The following SORCS1 variants were observed in gnomAD, a reference collection of about 807,000 sequenced individuals.
SORCS1 encodes the protein sortilin related VPS10 domain containing receptor 1.
In SORCS1, 60 loss-of-function variants were observed where a neutral mutation model predicts 146.1. The observed-to-expected ratio is 0.41, with a 90% CI of 0.33 to 0.51. The LOEUF (loss-of-function observed/expected upper bound fraction) is 0.51. SORCS1 is among the 20% of genes least tolerant of loss of function. SORCS1 has a pLI of 0.21. For missense variants in SORCS1, 1,352 were observed against 1,487.6 expected, an observed-to-expected ratio of 0.91 and a Z score of 1.50; for synonymous variants, 637 against 584.0, an observed-to-expected ratio of 1.09 and a Z score of -1.31.
intron 24 of SORCS1, among the ~76,000 whole-genome samples, chr10:106,580,621 C>T (rs1844847415): frequency 6.6e-6 from 1 of 152,164 alleles, no homozygotes; most frequent in Admixed American, 6.5e-5. Flanking sequence ...GACCTTTAAT[C>T]ACCATTTTCT....
At chr10:106,740,615 G>C (rs1305094030) in intron 5 of SORCS1, among the ~76,000 whole-genome samples, 3 of 152,074 alleles carry the variant, frequency 2.0e-5, no homozygotes, top group Non-Finnish European at 2.9e-5. Flanking sequence ...AAGGCATTTA[G>C]CTCCATCAGA....
intron 23 of SORCS1, among the ~76,000 whole-genome samples, chr10:106,603,384 T>C (rs755914656): frequency 9.9e-5 from 15 of 152,170 alleles, no homozygotes; most frequent in Non-Finnish European, 2.2e-4. Context: ...CAGAGGTCAC[T>C]CGATTAACCC....
Position 106,989,680 on chromosome 10 carries a change from G to GTTTTTTTTTTTTTT in SORCS1, c.559-33114_559-33101dup, listed in dbSNP as rs761689988. Among the ~76,000 whole-genome samples the GTTTTTTTTTTTTTT allele has an allele frequency of 6.8e-4, 48 of 70,354 alleles. 1 individual carries two copies. The highest frequency in any genetic ancestry group is 2.3e-3 in the African/African-American group (43 of 18,668). The allele number at this position is 70,354 out of a possible 152,430, so 46.2% of individuals were successfully genotyped here. ...ACTCATATTTTTTCTGTTTTTTTTT[G>GTTTTTTTTTTTTTT]TTTTTTTTTTTTTTTTTTTTTTCTG... is the stretch of plus-strand genomic sequence containing the variant. On this transcript the variant is annotated intron_variant, in intron 1 of 25. Transcript: ENST00000263054.
chr10:106,651,502 A>G (rs1266586192), intron 18 of SORCS1, among the ~76,000 whole-genome samples: 1 of 152,198 alleles, frequency 6.6e-6, no homozygotes, highest in Non-Finnish European at 1.5e-5. Flanking sequence ...ATTTTCTTAT[A>G]CATGGTAAAA....
intron 2 of SORCS1, among the ~76,000 whole-genome samples, chr10:106,842,217 GTTATTATT>G (rs746108714): frequency 2.8e-4 from 42 of 152,056 alleles, no homozygotes; most frequent in Non-Finnish European, 4.6e-4. Context: ...ATCTGTATAT[GTTATTATT>G]TTATTATTTT....
rs1326217141 is a variant in SORCS1, at chr10:107,084,204, T to G, written c.558+79765A>C. ...TCTGCCTCCTGGGTTCACGCCACTCTCCTGCCTCAGCCTCCCAAGTATCTG... is the reference window on the plus strand; with the variant it reads ...TCTGCCTCCTGGGTTCACGCCACTCGCCTGCCTCAGCCTCCCAAGTATCTG... On this transcript the variant is annotated intron_variant, in intron 1 of 25. Coordinates refer to ENST00000263054, the MANE Select transcript of SORCS1 (RefSeq NM_052918.5). Among the ~76,000 whole-genome samples, 4 of 148,152 alleles carry G rather than the reference T, an allele frequency of 2.7e-5. 1 individual carries two copies. The highest frequency in any genetic ancestry group is 6.0e-5 in the Non-Finnish European group (4 of 67,142).
At chr10:107,052,389 G>A (rs4918281) in intron 1 of SORCS1, among the ~76,000 whole-genome samples, 127,080 of 152,120 alleles carry the variant, frequency 0.84, 53,291 homozygotes, top group East Asian at 0.92. Flanking sequence ...AAGAAAAGTG[G>A]CCATATAAAT....
intron 10 of SORCS1, among the ~76,000 whole-genome samples, chr10:106,687,122 C>T (rs1010086729): frequency 6.6e-6 from 1 of 152,084 alleles, no homozygotes; most frequent in African/African-American, 2.4e-5. Flanking sequence ...TTGCCTCTTC[C>T]TCGCCTCCTT....
intron 14 of SORCS1, among the ~76,000 whole-genome samples, chr10:106,673,279 G>A (rs1274753898): frequency 2.6e-5 from 4 of 151,732 alleles, no homozygotes; most frequent in Admixed American, 2.6e-4. Flanking sequence ...TTACAGGCAC[G>A]AGCCACCACA....
intron 1 of SORCS1, among the ~76,000 whole-genome samples, chr10:107,048,504 G>A (rs1959737361): frequency 6.6e-6 from 1 of 152,192 alleles, no homozygotes; most frequent in Non-Finnish European, 1.5e-5. Flanking sequence ...ATTCACTGCG[G>A]TAGCCCCAAT....
chr10:106,966,090 T>G (rs11193135), intron 1 of SORCS1, among the ~76,000 whole-genome samples: 2 of 152,180 alleles, frequency 1.3e-5, no homozygotes, highest in African/African-American at 2.4e-5. Context: ...TGACAGCGAA[T>G]GCACATGCAG....
At chr10:107,033,149 G>C (rs1486007382) in intron 1 of SORCS1, among the ~76,000 whole-genome samples, 1 of 152,158 alleles carries the variant, frequency 6.6e-6, no homozygotes, top group South Asian at 2.1e-4. Flanking sequence ...GGAGAAACAA[G>C]CACATATTCT....
At chr10:107,127,969 T>C (rs966817716) in intron 1 of SORCS1, among the ~76,000 whole-genome samples, 2 of 152,228 alleles carry the variant, frequency 1.3e-5, no homozygotes, top group African/African-American at 4.8e-5. Context: ...ACACTTATAG[T>C]GATTTCAGCT....
chr10:106,979,992 TG>T (rs1266763066), intron 1 of SORCS1, among the ~76,000 whole-genome samples: 1 of 152,256 alleles, frequency 6.6e-6, no homozygotes, highest in African/African-American at 2.4e-5. Context: ...ATCATCATTA[TG>T]GTGAATGAAA....
chr10:106,723,513 A>G (rs2135956142), intron 6 of SORCS1, among the ~76,000 whole-genome samples: 1 of 152,308 alleles, frequency 6.6e-6, no homozygotes, highest in East Asian at 1.9e-4. Context: ...GCCACATCCA[A>G]TAAATATGTT....
intron 3 of SORCS1, among the ~76,000 whole-genome samples, chr10:106,796,889 T>C (rs997880145): frequency 1.3e-4 from 20 of 152,134 alleles, no homozygotes; most frequent in African/African-American, 3.9e-4. Flanking sequence ...GCGGATGGAT[T>C]ACGAAGTCAG....
At chr10:106,990,442 G>A (rs1173994680) in intron 1 of SORCS1, among the ~76,000 whole-genome samples, 2 of 151,928 alleles carry the variant, frequency 1.3e-5, no homozygotes, top group African/African-American at 4.8e-5. Context: ...GCTATTTTTT[G>A]TATTTTTAGT....
rs564954347 is a variant in SORCS1 at position 107,093,485 on chromosome 10, C to T, written c.558+70484G>A. ...GTCAAGAGATAGAAACCATCCTGGCCAACACAGTGAAACCCTGTCTCTACT... is the reference window on the plus strand; with the variant it reads ...GTCAAGAGATAGAAACCATCCTGGCTAACACAGTGAAACCCTGTCTCTACT... On this transcript the variant is annotated intron_variant, in intron 1 of 25. Transcript: ENST00000263054. Among the ~76,000 whole-genome samples, 59 of 152,202 alleles carry T rather than the reference C, an allele frequency of 3.9e-4. 1 individual carries two copies. Among genetic ancestry groups the T allele is most frequent in the African/African-American group, 1.2e-3 (51 of 41,520 alleles).
intron 22 of SORCS1, among the ~76,000 whole-genome samples, chr10:106,608,335 C>T (rs1846747282): frequency 6.6e-6 from 1 of 152,228 alleles, no homozygotes; most frequent in African/African-American, 2.4e-5. Flanking sequence ...GTTATCTCCA[C>T]CAGAATGTCT....
Sources: gnomAD v4.1 joint callset for allele counts (sites outside exome capture counted in the v4.1 genomes callset) on GRCh38, gnomAD v4.1.1 for gene constraint, MANE v1.5 for transcripts, NCBI Gene and HGNC (gene_info 2026-07-23, HGNC 2026-07-21) for gene names.